ATG3: variants seen among roughly 807,000 people sequenced by gnomAD.
ATG3 encodes the protein ubiquitin-like-conjugating enzyme ATG3.
In ATG3, 25 loss-of-function variants were observed where a neutral mutation model predicts 50.7. The observed-to-expected ratio is 0.49, with a 90% CI of 0.36 to 0.69. The LOEUF is 0.69. Among genes scored for constraint, ATG3 ranks in the 30% least tolerant of loss-of-function variants. ATG3 has a pLI of 0.00. For synonymous variants in ATG3, 119 were observed against 125.5 expected, an observed-to-expected ratio of 0.95 and a Z score of 0.34; for missense variants, 281 against 376.0, an observed-to-expected ratio of 0.75 and a Z score of 2.09.
At chr3:112,544,232 T>C (rs557893992) in intron 5 of ATG3, 126 bp from the exon 6 acceptor site, 1 of 707,234 alleles carries the variant, frequency 1.4e-6, no homozygotes, top group Non-Finnish European at 2.3e-6. Flanking sequence ...CAAATAATAG[T>C]AGTATCTTTA....
rs544511649 is a variant in ATG3 at position 112,553,382 on chromosome 3, T to C, written c.115-53A>G. The C allele has an allele frequency of 5.7e-5, 87 of 1,527,418 alleles. 1 individual carries two copies. In the South Asian group the frequency reaches 9.8e-4, roughly 17 times the overall value. 94.6% of individuals were successfully genotyped at this position (1,527,418 alleles called of 1,614,324 possible). A position where few individuals can be genotyped will look rare whatever the true frequency, so the allele number is the denominator to read the frequency against. On this transcript the variant is annotated intron_variant, in intron 2 of 11. Coordinates refer to ENST00000283290, the MANE Select transcript of ATG3 (RefSeq NM_022488.5). ...AAAAAGGAAAAAGAAAAATCAAACA[T>C]CACTGAATGTGCAAGGTGGCAAAAT... is the stretch of plus-strand genomic sequence containing the variant.
chr3:112,560,717 A>G (rs1000598261), intron 1 of ATG3, among the ~76,000 whole-genome samples: 1 of 152,340 alleles, frequency 6.6e-6, no homozygotes, highest in South Asian at 2.1e-4. Context: ...AGTTGTAGAA[A>G]TTTACCTTTA....
intron 1 of ATG3, 63 bp from the exon 2 acceptor site, chr3:112,558,480 G>A: frequency 7.4e-7 from 1 of 1,354,662 alleles, no homozygotes; most frequent in East Asian, 2.3e-5. Context: ...AATATATTTT[G>A]GGGGCAATTA....
At chr3:112,556,099 T>C (rs1336143086) in intron 2 of ATG3, among the ~76,000 whole-genome samples, 1 of 152,262 alleles carries the variant, frequency 6.6e-6, no homozygotes, top group Non-Finnish European at 1.5e-5. Flanking sequence ...ATGTTAATGA[T>C]ATCCTTAAAA....
chr3:112,559,829 A>C (rs932065475), intron 1 of ATG3, among the ~76,000 whole-genome samples: 15 of 152,242 alleles, frequency 9.9e-5, no homozygotes, highest in Admixed American at 9.8e-4. Context: ...TAAGAACTTC[A>C]GTGTTTACTG....
intron 4 of ATG3, 32 bp downstream of exon 4, chr3:112,550,160 A>C: frequency 1.3e-6 from 2 of 1,533,242 alleles, no homozygotes. Flanking sequence ...CCTCTACGCA[A>C]AATTTATTCA....
At chr3:112,537,988 A>C (rs1467071308) in intron 8 of ATG3, 98 bp from the exon 9 acceptor site, 1 of 1,315,482 alleles carries the variant, frequency 7.6e-7, no homozygotes, top group Admixed American at 2.6e-5. Flanking sequence ...TTGTTTTCTT[A>C]AGAGTAAATG....
At chr3:112,547,137 A>G (rs1483483869) in intron 5 of ATG3, among the ~76,000 whole-genome samples, 1 of 152,228 alleles carries the variant, frequency 6.6e-6, no homozygotes, top group Non-Finnish European at 1.5e-5. Context: ...CAGAACATTC[A>G]GCAATTTCTG....
chr3:112,550,543 C>T (rs945781705), intron 3 of ATG3, among the ~76,000 whole-genome samples: 1 of 152,166 alleles, frequency 6.6e-6, no homozygotes, highest in African/African-American at 2.4e-5. Flanking sequence ...AACTATTAAG[C>T]AACTATTATG....
chr3:112,539,376 A>G (rs958747256), intron 7 of ATG3, among the ~76,000 whole-genome samples: 1 of 152,150 alleles, frequency 6.6e-6, no homozygotes, highest in African/African-American at 2.4e-5. Flanking sequence ...ATACCTTACA[A>G]TATTTTACAT....
At chr3:112,556,815 T>C (rs1422941155) in intron 2 of ATG3, among the ~76,000 whole-genome samples, 2 of 152,036 alleles carry the variant, frequency 1.3e-5, no homozygotes, top group African/African-American at 4.8e-5. Context: ...GTTAAACAGA[T>C]GCTTGAAGGC....
In ATG3 at chr3:112,534,346, CAAAAA is replaced by C; in HGVS notation, c.795-14_795-10del. 4 of 1,277,960 alleles carry C rather than the reference CAAAAA, an allele frequency of 3.1e-6. No homozygotes were observed. Among genetic ancestry groups the C allele is most frequent in the Admixed American group, 2.7e-5 (1 of 36,940 alleles). 79.2% of individuals were successfully genotyped at this position (1,277,960 alleles called of 1,614,324 possible). ...TCATCACCTCAGCATGCCTAGAAGCCAAAAAAAAAAAAAATTGTTAATGTAGATCG... is the reference window on the plus strand; with the variant it reads ...TCATCACCTCAGCATGCCTAGAAGCCAAAAAAAAATTGTTAATGTAGATCG... On this transcript the variant is annotated splice_polypyrimidine_tract_variant and intron_variant, in intron 10 of 11. Coordinates refer to ENST00000283290, the MANE Select transcript of ATG3 (RefSeq NM_022488.5).
chr3:112,560,825 C>G (rs1933840181), intron 1 of ATG3, among the ~76,000 whole-genome samples: 2 of 152,142 alleles, frequency 1.3e-5, no homozygotes. Flanking sequence ...AATTATACAG[C>G]CAGGAAGGTC....
chr3:112,542,049 A>C (rs1300515785), intron 6 of ATG3, among the ~76,000 whole-genome samples, 165 bp from the exon 7 acceptor site: 2 of 152,212 alleles, frequency 1.3e-5, no homozygotes, highest in African/African-American at 4.8e-5. Flanking sequence ...TTCATATATC[A>C]GTCATTAAAA....
intron 3 of ATG3, among the ~76,000 whole-genome samples, chr3:112,552,434 A>G (rs1933552891): frequency 6.6e-6 from 1 of 152,042 alleles, no homozygotes; most frequent in South Asian, 2.1e-4. Flanking sequence ...AAGCCTCTTA[A>G]AAGCAGATTT....
chr3:112,560,465 T>C (rs905952425), intron 1 of ATG3, among the ~76,000 whole-genome samples: 1 of 152,214 alleles, frequency 6.6e-6, no homozygotes, highest in African/African-American at 2.4e-5. Flanking sequence ...GACCTAGTAC[T>C]TCCCTTTGTC....
chr3:112,556,949 C>T (rs369776460), intron 2 of ATG3, among the ~76,000 whole-genome samples: 1 of 151,876 alleles, frequency 6.6e-6, no homozygotes. Context: ...TATCTGCTGA[C>T]CTTCCCTCCA....
intron 6 of ATG3, 69 bp downstream of exon 6, chr3:112,543,988 T>C: frequency 8.9e-7 from 1 of 1,129,714 alleles, no homozygotes. Context: ...TATATATGTG[T>C]GTGTATAGAT....
At chr3:112,560,235 T>C (rs1472317391) in intron 1 of ATG3, among the ~76,000 whole-genome samples, 1 of 152,228 alleles carries the variant, frequency 6.6e-6, no homozygotes, top group Admixed American at 6.5e-5. Context: ...TATGATATTC[T>C]GAAAAGTTAA....
Sources: allele counts gnomAD v4.1 joint callset (sites outside exome capture counted in the v4.1 genomes callset), GRCh38; gene constraint gnomAD v4.1.1; transcripts MANE v1.5; gene names NCBI Gene and HGNC (gene_info 2026-07-23, HGNC 2026-07-21).